The following NLGN1 variants were observed in gnomAD, a reference collection of about 807,000 sequenced individuals.
NLGN1 encodes neuroligin 1.
A neutral mutation model predicts 65.5 loss-of-function variants in NLGN1; 12 were observed. The ratio of observed to expected loss-of-function variants is 0.18; its 90% CI spans 0.12 to 0.30. NLGN1 has a LOEUF of 0.30. NLGN1 is among the 10% of genes least tolerant of loss of function. NLGN1 has a pLI of 1.00. For missense variants in NLGN1, 750 were observed against 1,007.1 expected (o/e 0.74, Z 3.46); for synonymous variants, 350 against 359.5 (o/e 0.97, Z 0.30).
intron 2 of NLGN1, among the ~76,000 whole-genome samples, chr3:173,529,935 A>G (rs144657983): frequency 6.6e-6 from 1 of 150,798 alleles, no homozygotes; most frequent in African/African-American, 2.4e-5. Context: ...CCCAACTCCC[A>G]TGTTCCTAAC....
intron 4 of NLGN1, among the ~76,000 whole-genome samples, chr3:173,852,232 T>G (rs966158555): frequency 7.3e-5 from 11 of 150,334 alleles, no homozygotes; most frequent in African/African-American, 2.0e-4. Context: ...AGCGGGCGCC[T>G]GTAGTCCCAG....
chr3:173,833,210 A>G (rs1197299199), intron 4 of NLGN1, among the ~76,000 whole-genome samples: 2 of 152,170 alleles, frequency 1.3e-5, no homozygotes, highest in Non-Finnish European at 2.9e-5. Context: ...CCTGCTCTCA[A>G]TAACATATGC....
chr3:174,080,957 G>GTGTGTGTGTGTGTGTGTGTGTGTGT (rs1580188754), intron 4 of NLGN1, among the ~76,000 whole-genome samples: 2 of 149,520 alleles, frequency 1.3e-5, no homozygotes, highest in African/African-American at 5.0e-5. Context: ...GTGTGTGTGT[G>GTGTGTGTGTGTGTGTGTGTGTGTGT]GTGATAGGGG....
rs930873852 is a variant in NLGN1, at chr3:173,567,457, T to C, written c.-320-36822T>C. On this transcript the variant is annotated intron_variant, in intron 2 of 6. Transcript: ENST00000457714. ...TAGATAAATAGAAATAAGGAATATA[T>C]ACACTCATTCAAAAAATAACGTTTA... Among the ~76,000 whole-genome samples, 3 of 152,106 alleles carry C rather than the reference T, an allele frequency of 2.0e-5. No individual in the cohort carries two copies. In the South Asian group the frequency reaches 6.2e-4, roughly 32 times the overall value.
intron 2 of NLGN1, among the ~76,000 whole-genome samples, chr3:173,599,128 G>T (rs1487551186): frequency 1.3e-5 from 2 of 152,072 alleles, no homozygotes; most frequent in African/African-American, 4.8e-5. Flanking sequence ...AGGTAGACTT[G>T]TCTCTTCTTT....
intron 4 of NLGN1, among the ~76,000 whole-genome samples, chr3:174,205,141 C>T (rs767823242): frequency 1.3e-5 from 2 of 152,124 alleles, no homozygotes; most frequent in Admixed American, 6.5e-5. Context: ...CAACTAATAT[C>T]TTAAATAACA....
intron 3 of NLGN1, among the ~76,000 whole-genome samples, chr3:173,735,291 C>T (rs182929969): frequency 3.7e-4 from 57 of 152,152 alleles, no homozygotes; most frequent in Admixed American, 2.2e-3. Context: ...TGTTTTAATA[C>T]GTGGGAGTTT....
At chr3:173,977,433 C>T (rs1326175602) in intron 4 of NLGN1, among the ~76,000 whole-genome samples, 5 of 151,882 alleles carry the variant, frequency 3.3e-5, no homozygotes, top group African/African-American at 9.7e-5. Context: ...AAGTGAAGGG[C>T]AACTTTATCT....
chr3:173,507,067 AT>A (rs1371927579), intron 2 of NLGN1, among the ~76,000 whole-genome samples: 1 of 152,116 alleles, frequency 6.6e-6, no homozygotes, highest in Non-Finnish European at 1.5e-5. Flanking sequence ...ACAGATTTTA[AT>A]GTAGAGTTGG....
chr3:173,871,806 G>A lies in NLGN1; in HGVS notation c.646+63974G>A, dbSNP rs75477767. Among the ~76,000 whole-genome samples, 16 of 152,280 alleles carry A rather than the reference G, an allele frequency of 1.1e-4. No homozygotes were observed. The East Asian group carries it at 2.1e-3, about 20-fold the overall frequency. ...GGCCATGGGAACAGGCCTGGATACCGGAGTTAAGGTGTGATATGTCCAGTC... is the reference window on the plus strand; with the variant it reads ...GGCCATGGGAACAGGCCTGGATACCAGAGTTAAGGTGTGATATGTCCAGTC... On this transcript the variant is annotated intron_variant, in intron 4 of 6. Coordinates refer to ENST00000457714, the Ensembl canonical transcript of NLGN1.
chr3:173,587,094 T>C (rs991609317), intron 2 of NLGN1, among the ~76,000 whole-genome samples: 1 of 152,202 alleles, frequency 6.6e-6, no homozygotes, highest in African/African-American at 2.4e-5. Context: ...CCTTTTAAAA[T>C]TGATTTGCAT....
intron 4 of NLGN1, among the ~76,000 whole-genome samples, chr3:173,836,589 C>T (rs114086166): frequency 1.5e-3 from 233 of 152,216 alleles, no homozygotes; most frequent in African/African-American, 5.4e-3. Flanking sequence ...TTTTCTTCAA[C>T]GGCTTCTTCC....
chr3:173,450,033 C>A (rs1721181693), intron 2 of NLGN1, among the ~76,000 whole-genome samples: 1 of 152,154 alleles, frequency 6.6e-6, no homozygotes, highest in African/African-American at 2.4e-5. Context: ...CAGTCTGTGC[C>A]TTTTAATTGG....
At chr3:173,607,709 C>T (rs544520058) in intron 3 of NLGN1, among the ~76,000 whole-genome samples, 7 of 151,380 alleles carry the variant, frequency 4.6e-5, no homozygotes, top group African/African-American at 1.7e-4. Context: ...TATATATATA[C>T]TAATATATAC....
chr3:173,933,974 C>T (rs1368706227), intron 4 of NLGN1, among the ~76,000 whole-genome samples: 2 of 151,552 alleles, frequency 1.3e-5, no homozygotes, highest in Admixed American at 6.6e-5. Flanking sequence ...AAGAAATATT[C>T]CTCTCATTGA....
chr3:173,436,755 A>C (rs1160628747), intron 2 of NLGN1, among the ~76,000 whole-genome samples: 1 of 152,142 alleles, frequency 6.6e-6, no homozygotes, highest in African/African-American at 2.4e-5. Context: ...AGTGTAAGAG[A>C]GAGAGTTTGG....
At chr3:173,585,514 G>T (rs1352875861) in intron 2 of NLGN1, among the ~76,000 whole-genome samples, 1 of 150,108 alleles carries the variant, frequency 6.7e-6, no homozygotes, top group African/African-American at 2.5e-5. Flanking sequence ...CCCGCTTCCC[G>T]CTTCTCTCAA....
chr3:173,436,683 C>T (rs1311722460), intron 2 of NLGN1, among the ~76,000 whole-genome samples: 1 of 152,158 alleles, frequency 6.6e-6, no homozygotes, highest in Non-Finnish European at 1.5e-5. Flanking sequence ...TCCACCCAGG[C>T]CCCCTTGATA....
At chr3:174,095,478 C>CT (rs1478925385) in intron 4 of NLGN1, among the ~76,000 whole-genome samples, 92 of 141,684 alleles carry the variant, frequency 6.5e-4, no homozygotes, top group African/African-American at 2.5e-3. Flanking sequence ...TGTGTGTATG[C>CT]TTGTGTGTGT....
Sources: gnomAD v4.1 joint callset for allele counts (sites outside exome capture counted in the v4.1 genomes callset) on GRCh38, gnomAD v4.1.1 for gene constraint, MANE v1.5 for transcripts, NCBI Gene and HGNC (gene_info 2026-07-23, HGNC 2026-07-21) for gene names.